The following FAM107A variants were observed in gnomAD, a reference collection of about 807,000 sequenced individuals.
FAM107A encodes family with sequence similarity 107 member A.
Under a neutral mutation model 13.7 loss-of-function variants are expected in FAM107A, and 19 were observed. That is an observed-to-expected ratio of 1.38 (90% CI 0.97 to 2.03). The LOEUF (loss-of-function observed/expected upper bound fraction) is 2.03, where lower values mean the gene tolerates loss of function less well. Among genes scored for constraint, FAM107A ranks in the 30% most tolerant of loss-of-function variants. The pLI, the probability that FAM107A is intolerant of heterozygous loss-of-function variation, is 0.00. For missense variants in FAM107A, 203 were observed against 184.4 expected (o/e 1.10, Z -0.58); for synonymous variants, 82 against 74.5 (o/e 1.10, Z -0.52).
Position 58,572,519 on chromosome 3 carries a change from G to A in FAM107A, c.-5-2654C>T, listed in dbSNP as rs151164252. Among the ~76,000 whole-genome samples the A allele has an allele frequency of 2.9e-3, 448 of 152,304 alleles. 2 individuals are homozygous for A. In the Middle Eastern group the frequency reaches 0.041, roughly 14 times the overall value. On this transcript the variant is annotated intron_variant, in intron 1 of 3. Coordinates refer to ENST00000360997, the MANE Select transcript of FAM107A (RefSeq NM_001076778.3). ...CTTGAACAAGCTGGGTCTGTTCAGGGAACAAAAAGACATAGTGTGCTGGGA... is the reference window on the plus strand; with the variant it reads ...CTTGAACAAGCTGGGTCTGTTCAGGAAACAAAAAGACATAGTGTGCTGGGA...
At chr3:58,576,633 C>T (rs2063733342) in intron 1 of FAM107A, among the ~76,000 whole-genome samples, 2 of 152,244 alleles carry the variant, frequency 1.3e-5, no homozygotes, top group Admixed American at 6.5e-5. Flanking sequence ...CCCAATCCTA[C>T]AGCTCTTGAT....
intron 1 of FAM107A, among the ~76,000 whole-genome samples, chr3:58,614,959 C>A (rs1433140285): frequency 1.3e-5 from 2 of 152,098 alleles, no homozygotes; most frequent in Non-Finnish European, 2.9e-5. Context: ...GTGCACACTA[C>A]CACATCTGGC....
At chr3:58,591,237 C>T (rs1447976318), upstream of FAM107A, among the ~76,000 whole-genome samples, 1 of 152,116 alleles carries the variant, frequency 6.6e-6, no homozygotes, top group Admixed American at 6.5e-5. The surrounding 1 kb of genome is among the most constrained non-coding windows in gnomAD (Gnocchi z 4.3). Context: ...TGGCTGGTGG[C>T]AAGTGGGGAC....
intron 1 of FAM107A, among the ~76,000 whole-genome samples, chr3:58,616,611 A>G (rs2065904211): frequency 6.6e-6 from 1 of 151,364 alleles, no homozygotes; most frequent in Non-Finnish European, 1.5e-5. Context: ...CCACCACGTG[A>G]TGACAAGGGC....
At chr3:58,611,267 G>T (rs1206200711) in intron 1 of FAM107A, among the ~76,000 whole-genome samples, 2 of 214 alleles carry the variant, frequency 9.3e-3, no homozygotes, top group Non-Finnish European at 0.015. Context: ...TGTGCAAGGA[G>T]GCCCTGCCAG....
At chr3:58,575,052 C>G (rs928866763) in intron 1 of FAM107A, among the ~76,000 whole-genome samples, 5 of 152,160 alleles carry the variant, frequency 3.3e-5, no homozygotes, top group African/African-American at 1.2e-4. Flanking sequence ...CCATGGGACC[C>G]CAGGCTGTCT....
rs551598292 is a variant in FAM107A, at chr3:58,566,657, G to A, written c.366C>T (p.Pro122=). ...GGTTTTCCCTGACTTTAATAAACTC[G>A]GGGGCGTGATCCTCTTCCTTCTCTG... ...KPPEKEEDHA[P]EFIKVRENLR... The change falls in exon 4 of 4, where the codon CCC becomes CCT. Residue 122 remains proline (P), a synonymous_variant. Transcript: ENST00000360997. 6 of 1,613,988 alleles carry A rather than the reference G, an allele frequency of 3.7e-6. No homozygotes were observed. Among genetic ancestry groups the A allele is most frequent in the East Asian group, 2.2e-5 (1 of 44,868 alleles).
In FAM107A at chr3:58,586,923, AG is replaced by A; in HGVS notation, c.13del (p.Leu5TrpfsTer39). The stretch of plus-strand genomic sequence containing the variant: ...GGAGGGCCCCCGGGCCCACTCGCCC[AG>A]CCTCTGCGCCATGCCCCCGCGCCTC... On this transcript the variant is annotated frameshift_variant, in exon 1 of 4. Coordinates refer to the FAM107A transcript ENST00000447756. LOFTEE classifies it high-confidence loss of function. 1 of 1,531,900 alleles carries A rather than the reference AG, an allele frequency of 6.5e-7. No individual in the cohort carries two copies. The highest frequency in any genetic ancestry group is 8.7e-7 in the Non-Finnish European group (1 of 1,145,416). The allele number at this position is 1,531,900 out of a possible 1,614,324, so 94.9% of individuals were successfully genotyped here. A position where few individuals can be genotyped will look rare whatever the true frequency, so the allele number is the denominator to read the frequency against.
At chr3:58,609,053 G>A (rs1467355658) in intron 1 of FAM107A, 2 of 152,116 alleles carry the variant, frequency 1.3e-5, no homozygotes, top group Admixed American at 1.3e-4. Context: ...GGATTGGGGT[G>A]GGAGCATTTT....
chr3:58,570,621 GAGAGAGAGAGAGAGAA>G lies in FAM107A; in HGVS notation c.-5-772_-5-757del, dbSNP rs1559474878. Among the ~76,000 whole-genome samples the G allele has an allele frequency of 3.2e-4, 35 of 110,404 alleles. 1 individual carries two copies. The South Asian group carries it at 0.01, about 32-fold the overall frequency. The allele number at this position is 110,404 out of a possible 152,430, so 72.4% of individuals were successfully genotyped here. A position where few individuals can be genotyped will look rare whatever the true frequency, so the allele number is the denominator to read the frequency against. ...AGAGAGAGAGAGAGAGAGAGAGAGA[GAGAGAGAGAGAGAGAA>G]AGAGACTGACTTAAAAAAAAAAAGG... On this transcript the variant is annotated intron_variant, in intron 1 of 3. Transcript: ENST00000360997.
intron 1 of FAM107A, among the ~76,000 whole-genome samples, chr3:58,575,001 G>A (rs2063718892): frequency 6.6e-6 from 1 of 152,208 alleles, no homozygotes; most frequent in South Asian, 2.1e-4. Context: ...AAGGAGAGCT[G>A]CACTGATGGA....
chr3:58,566,714 G>C lies in FAM107A; in HGVS notation c.328-19C>G. ...TTTCCAGCTGAAGGAGGGAGAAGCA[G>C]AGAGTGAAGTGGGTGGAGCTAGGGG... On this transcript the variant is annotated intron_variant, in intron 3 of 3. Transcript: ENST00000360997. The C allele has an allele frequency of 1.3e-6, 2 of 1,584,982 alleles. No individual in the cohort carries two copies. Among genetic ancestry groups the C allele is most frequent in the Non-Finnish European group, 8.7e-7 (1 of 1,153,670 alleles).
At chr3:58,594,198 G>A (rs190270677) in intron 1 of FAM107A, among the ~76,000 whole-genome samples, 1 of 152,234 alleles carries the variant, frequency 6.6e-6, no homozygotes, top group Non-Finnish European at 1.5e-5. Context: ...ACTGACAAAC[G>A]TAAAAACATT....
rs200403828 is a variant in FAM107A, at chr3:58,566,653, A to T, written c.370T>A (p.Phe124Ile). The T allele has an allele frequency of 6.2e-7, 1 of 1,613,424 alleles. No homozygotes were observed. Among genetic ancestry groups the T allele is most frequent in the Admixed American group, 1.7e-5 (1 of 59,950 alleles). Residue 124 changes from phenylalanine (F) to isoleucine (I), a missense_variant, in exon 4 of 4, where the codon TTT becomes ATT. Physicochemically the swap from Phe to Ile is conservative, Grantham distance 21. Coordinates refer to ENST00000360997, the MANE Select transcript of FAM107A (RefSeq NM_001076778.3). ...PEKEEDHAPE[F>I]IKVRENLRRI... ...CGCAGGTTTTCCCTGACTTTAATAA[A>T]CTCGGGGGCGTGATCCTCTTCCTTC...
upstream of FAM107A, among the ~76,000 whole-genome samples, chr3:58,581,916 T>C (rs1162482990): frequency 6.6e-6 from 1 of 152,238 alleles, no homozygotes; most frequent in Admixed American, 6.5e-5. Context: ...CCATCCCCAG[T>C]ACATTTTAAT....
chr3:58,592,841 C>T (rs568142443), intron 1 of FAM107A, among the ~76,000 whole-genome samples: 10 of 152,148 alleles, frequency 6.6e-5, no homozygotes, highest in Non-Finnish European at 1.5e-4. Flanking sequence ...TTTATATGGA[C>T]GCACTTTCTT....
intron 1 of FAM107A, among the ~76,000 whole-genome samples, chr3:58,608,277 G>A (rs6804004): frequency 0.12 from 18,333 of 151,854 alleles, 1,994 homozygotes; most frequent in African/African-American, 0.29. Context: ...TTTAATTTTC[G>A]TCATTCATTT....
intron 1 of FAM107A, among the ~76,000 whole-genome samples, chr3:58,582,873 A>T (rs1424398262): frequency 6.6e-6 from 1 of 152,214 alleles, no homozygotes; most frequent in Non-Finnish European, 1.5e-5. Context: ...ATTTCGGCTC[A>T]CTGCGACCTC....
At chr3:58,589,344 A>AT, upstream of FAM107A, 1 of 983,118 alleles carries the variant, frequency 1.0e-6, no homozygotes, top group Non-Finnish European at 1.6e-6. Context: ...TATATTCACA[A>AT]TGTATCTGAG....
Sources: allele counts gnomAD v4.1 joint callset (sites outside exome capture counted in the v4.1 genomes callset), GRCh38; gene constraint gnomAD v4.1.1; non-coding constraint Gnocchi (gnomAD v3.1); transcripts MANE v1.5; gene names NCBI Gene and HGNC (gene_info 2026-07-23, HGNC 2026-07-21).